LHFPL6: variants seen among roughly 807,000 people sequenced by gnomAD.
The protein encoded by LHFPL6 is LHFPL tetraspan subfamily member 6.
In LHFPL6, 9 loss-of-function variants were observed where a neutral mutation model predicts 20.6. That is an observed-to-expected ratio of 0.44 (90% CI 0.26 to 0.76). The LOEUF (loss-of-function observed/expected upper bound fraction) is 0.76, where lower values mean the gene tolerates loss of function less well. LHFPL6 is among the 30% of genes least tolerant of loss of function. The pLI is 0.20. For synonymous variants in LHFPL6, 105 were observed against 98.7 expected, an observed-to-expected ratio of 1.06 and a Z score of -0.38; for missense variants, 218 against 253.5, an observed-to-expected ratio of 0.86 and a Z score of 0.95.
At chr13:39,403,149 G>A (rs765139521) in intron 2 of LHFPL6, among the ~76,000 whole-genome samples, 7 of 152,170 alleles carry the variant, frequency 4.6e-5, no homozygotes, top group Admixed American at 6.5e-5. Flanking sequence ...GAAAAACAGG[G>A]ATCAATACAT....
chr13:39,465,365 G>A (rs1455555604), intron 2 of LHFPL6, among the ~76,000 whole-genome samples: 1 of 152,134 alleles, frequency 6.6e-6, no homozygotes, highest in African/African-American at 2.4e-5. Context: ...ATATGAGTTA[G>A]AGCTAAAAAA....
In LHFPL6 at chr13:39,343,652, G is replaced by GTGTGTGT. The variant is rs1869310398; in HGVS notation, c.*283_*284insACACACA. Reference sequence around the variant, plus strand: ...GTGTGTGTGTGTGTGTGTGTGTGTTGTACATTAACAATACTCTGTGGAATA... The same window carrying GTGTGTGT: ...GTGTGTGTGTGTGTGTGTGTGTGTTGTGTGTGTTACATTAACAATACTCTGTGGAATA... On this transcript the variant is annotated 3_prime_UTR_variant, in exon 4 of 4. Coordinates refer to ENST00000379589, the MANE Select transcript of LHFPL6 (RefSeq NM_005780.3). 1 of 245,038 alleles carries GTGTGTGT rather than the reference G, an allele frequency of 4.1e-6. No individual in the cohort carries two copies. The highest frequency in any genetic ancestry group is 2.7e-5 in the African/African-American group (1 of 37,470). 15.2% of individuals were successfully genotyped at this position (245,038 alleles called of 1,614,324 possible).
chr13:39,403,212 TCA>T (rs1233000569), intron 2 of LHFPL6, among the ~76,000 whole-genome samples: 1 of 152,200 alleles, frequency 6.6e-6, no homozygotes, highest in Non-Finnish European at 1.5e-5. Flanking sequence ...TTCAAGTCAT[TCA>T]CAGAGCTAGA....
At position 39,601,113 on chromosome 13, in the gene LHFPL6, C is replaced by A. The variant is rs746445157; in HGVS notation, c.104G>T (p.Gly35Val). 1.2e-6 allele frequency: 2 copies of A among 1,614,166 alleles called. No homozygotes were observed. The highest frequency in any genetic ancestry group is 1.3e-5 in the African/African-American group (1 of 75,046). The change falls in exon 2 of 4, where the codon GGA (glycine) becomes GTA (valine). Residue 35 changes from glycine to valine, a missense_variant. Gly to Val is a moderately radical substitution (Grantham distance 109). Coordinates refer to ENST00000379589, the MANE Select transcript of LHFPL6 (RefSeq NM_005780.3). Reference sequence around the variant, plus strand: ...GGACACAGGCTTGCCCAGCTGTGATCCCCAGAGCCAGTAAGGCATAAAGAA... The same window carrying A: ...GGACACAGGCTTGCCCAGCTGTGATACCCAGAGCCAGTAAGGCATAAAGAA... ...VGFFMPYWLW[G>V]SQLGKPVSFG...
intron 2 of LHFPL6, among the ~76,000 whole-genome samples, chr13:39,550,075 G>T (rs1213504510): frequency 1.3e-5 from 2 of 152,090 alleles, no homozygotes; most frequent in Non-Finnish European, 2.9e-5. Flanking sequence ...GCATGATTTT[G>T]TGAATATACC....
chr13:39,523,436 G>A (rs539348972), intron 2 of LHFPL6, among the ~76,000 whole-genome samples: 1 of 152,268 alleles, frequency 6.6e-6, no homozygotes, highest in East Asian at 1.9e-4. Context: ...GGGCGAGGTG[G>A]CGGGCGCCTG....
intron 2 of LHFPL6, among the ~76,000 whole-genome samples, chr13:39,481,824 T>G (rs902631242): frequency 6.6e-6 from 1 of 152,150 alleles, no homozygotes; most frequent in Non-Finnish European, 1.5e-5. Flanking sequence ...TGTGATATCA[T>G]CTGAGTACTT....
At chr13:39,375,621 T>C (rs1303590104) in intron 3 of LHFPL6, among the ~76,000 whole-genome samples, 1 of 143,026 alleles carries the variant, frequency 7.0e-6, no homozygotes, top group Non-Finnish European at 1.5e-5. Flanking sequence ...ACCTGGGAGG[T>C]GGAGGTTGCA....
chr13:39,516,779 A>C (rs1305172029), intron 2 of LHFPL6, among the ~76,000 whole-genome samples: 2 of 136,530 alleles, frequency 1.5e-5, no homozygotes, highest in African/African-American at 5.6e-5. Flanking sequence ...ATGTGGATTT[A>C]CTCTGATGAG....
intron 2 of LHFPL6, among the ~76,000 whole-genome samples, chr13:39,589,623 T>G (rs1048203215): frequency 1.3e-5 from 2 of 152,156 alleles, no homozygotes; most frequent in Non-Finnish European, 2.9e-5. Flanking sequence ...AAGTAGGACA[T>G]TATCCTTCAT....
chr13:39,425,183 T>C (rs1871606710), intron 2 of LHFPL6, among the ~76,000 whole-genome samples: 1 of 152,212 alleles, frequency 6.6e-6, no homozygotes, highest in South Asian at 2.1e-4. Context: ...TATGTACTCT[T>C]CATCTGGCTT....
chr13:39,441,516 T>C (rs1258301083), intron 2 of LHFPL6, among the ~76,000 whole-genome samples: 1 of 151,934 alleles, frequency 6.6e-6, no homozygotes, highest in Non-Finnish European at 1.5e-5. Context: ...AATACTTTAT[T>C]ATTATTATTA....
At chr13:39,583,707 C>T (rs546535878) in intron 2 of LHFPL6, among the ~76,000 whole-genome samples, 2 of 152,312 alleles carry the variant, frequency 1.3e-5, no homozygotes, top group South Asian at 2.1e-4. Flanking sequence ...GAACAAATTT[C>T]TCATGCAAGC....
At chr13:39,413,982 T>C (rs543958852) in intron 2 of LHFPL6, among the ~76,000 whole-genome samples, 2 of 152,230 alleles carry the variant, frequency 1.3e-5, no homozygotes, top group Non-Finnish European at 2.9e-5. Flanking sequence ...TCCATAGTGA[T>C]GAGTATAATT....
At chr13:39,353,386 G>T (rs1047464784) in intron 3 of LHFPL6, among the ~76,000 whole-genome samples, 1 of 152,122 alleles carries the variant, frequency 6.6e-6, no homozygotes, top group Non-Finnish European at 1.5e-5. Context: ...AAATGTAGAA[G>T]TAAAACGGCT....
chr13:39,392,536 G>A (rs940843283), intron 2 of LHFPL6, among the ~76,000 whole-genome samples: 1 of 152,180 alleles, frequency 6.6e-6, no homozygotes, highest in Non-Finnish European at 1.5e-5. Flanking sequence ...AGAGGTTGCA[G>A]TGAGCCAAGA....
intron 2 of LHFPL6, among the ~76,000 whole-genome samples, chr13:39,527,282 T>C (rs1870319530): frequency 6.6e-6 from 1 of 152,198 alleles, no homozygotes. Context: ...CACTTTCACA[T>C]ACATCCCTGA....
rs922554355 is a variant in LHFPL6 at position 39,454,663 on chromosome 13, T to C, written c.386-76137A>G. On this transcript the variant is annotated intron_variant, in intron 2 of 3. Coordinates refer to ENST00000379589, the MANE Select transcript of LHFPL6 (RefSeq NM_005780.3). ...AAAAAAAAAAAAAAAAAAAGAGTTG[T>C]AATCAAAGGATGCCTGGGTAAGAGC... Among the ~76,000 whole-genome samples the C allele has an allele frequency of 1.4e-4, 21 of 150,006 alleles. 4 individuals carry two copies. The highest frequency in any genetic ancestry group is 2.8e-4 in the Non-Finnish European group (19 of 67,666).
intron 2 of LHFPL6, among the ~76,000 whole-genome samples, chr13:39,416,999 T>G (rs1871366136): frequency 6.6e-6 from 1 of 152,232 alleles, no homozygotes; most frequent in South Asian, 2.1e-4. Context: ...GCAGATTTCT[T>G]CTAGCCTGCC....
Sources: gnomAD v4.1 joint callset for allele counts (sites outside exome capture counted in the v4.1 genomes callset) on GRCh38, gnomAD v4.1.1 for gene constraint, MANE v1.5 for transcripts, NCBI Gene and HGNC (gene_info 2026-07-23, HGNC 2026-07-21) for gene names.